KIAA1217: variants seen among roughly 807,000 people sequenced by gnomAD.
KIAA1217 encodes KIAA1217.
KIAA1217 carries 88 observed loss-of-function variants against 163.9 expected under a neutral mutation model. That is an observed-to-expected ratio of 0.54 (90% CI 0.45 to 0.64). The LOEUF (loss-of-function observed/expected upper bound fraction) is 0.64. Ranked by LOEUF, KIAA1217 falls within the 30% of genes least tolerant of loss-of-function variation. The probability of loss-of-function intolerance (pLI) is 0.00; values close to 1 mark genes in which losing one functional copy is unlikely to be tolerated. For missense variants in KIAA1217, 2,372 were observed against 2,475.0 expected, an observed-to-expected ratio of 0.96 and a Z score of 0.88; for synonymous variants, 903 against 923.1, an observed-to-expected ratio of 0.98 and a Z score of 0.39.
chr10:24,117,348 T>C (rs2063100776), intron 2 of KIAA1217, among the ~76,000 whole-genome samples: 2 of 151,930 alleles, frequency 1.3e-5, no homozygotes, highest in Non-Finnish European at 2.9e-5. Context: ...CTTTTAAAGG[T>C]GAGTTTTGGG....
chr10:23,754,465 A>G (rs1395292422), intron 1 of KIAA1217, among the ~76,000 whole-genome samples: 1 of 152,094 alleles, frequency 6.6e-6, no homozygotes, highest in African/African-American at 2.4e-5. Context: ...CCTCTCTGGC[A>G]TTTTCTCACA....
At chr10:23,891,333 G>C (rs1411861176) in intron 1 of KIAA1217, among the ~76,000 whole-genome samples, 2 of 151,776 alleles carry the variant, frequency 1.3e-5, no homozygotes, top group African/African-American at 4.8e-5. Flanking sequence ...TTTGTTGAGA[G>C]ACAGGATCTC....
chr10:24,358,940 C>T (rs1399329483), intron 2 of KIAA1217, among the ~76,000 whole-genome samples: 1 of 152,068 alleles, frequency 6.6e-6, no homozygotes, highest in Admixed American at 6.5e-5. Context: ...AACAGGAGCA[C>T]ACAGGAGTTC....
intron 1 of KIAA1217, among the ~76,000 whole-genome samples, chr10:23,702,693 AC>A (rs1836541845): frequency 6.6e-6 from 1 of 151,900 alleles, no homozygotes; most frequent in African/African-American, 2.4e-5. Context: ...ACACACACAC[AC>A]ACACACACAC....
At chr10:24,232,203 G>C (rs527835814) in intron 2 of KIAA1217, among the ~76,000 whole-genome samples, 81 of 152,162 alleles carry the variant, frequency 5.3e-4, no homozygotes, top group Non-Finnish European at 9.4e-4. Context: ...CAATTGAAAA[G>C]ACTAAATTCA....
intron 2 of KIAA1217, among the ~76,000 whole-genome samples, chr10:24,171,943 T>C (rs1471407868): frequency 6.6e-6 from 1 of 152,184 alleles, no homozygotes; most frequent in Non-Finnish European, 1.5e-5. Context: ...ACACACATTG[T>C]CTTAATTTCA....
At chr10:24,340,839 G>A (rs1212717651) in intron 2 of KIAA1217, among the ~76,000 whole-genome samples, 1 of 152,178 alleles carries the variant, frequency 6.6e-6, no homozygotes, top group Non-Finnish European at 1.5e-5. Context: ...GAATCATAAA[G>A]TTCACTTGGA....
At chr10:24,153,583 A>T (rs913209036) in intron 2 of KIAA1217, among the ~76,000 whole-genome samples, 1 of 152,226 alleles carries the variant, frequency 6.6e-6, no homozygotes, top group Admixed American at 6.5e-5. Context: ...AGCCTATTAT[A>T]ATCCAGTCAA....
At chr10:24,303,057 A>G (rs1415883145) in intron 2 of KIAA1217, among the ~76,000 whole-genome samples, 1 of 152,194 alleles carries the variant, frequency 6.6e-6, no homozygotes, top group African/African-American at 2.4e-5. Flanking sequence ...TCTGTCACCC[A>G]GGCTGGAGTG....
chr10:24,468,280 C>T (rs778163820), intron 5 of KIAA1217, among the ~76,000 whole-genome samples: 1 of 152,120 alleles, frequency 6.6e-6, no homozygotes, highest in African/African-American at 2.4e-5. Flanking sequence ...GTTGTCTGAT[C>T]GTAAGGGTTC....
chr10:24,141,234 C>CA (rs918246580), intron 2 of KIAA1217, among the ~76,000 whole-genome samples: 1 of 132,790 alleles, frequency 7.5e-6, no homozygotes, highest in African/African-American at 2.7e-5. Context: ...AACCCCCCCC[C>CA]CCCATTTCTC....
At chr10:24,358,218 C>G (rs2049380386) in intron 2 of KIAA1217, among the ~76,000 whole-genome samples, 1 of 152,050 alleles carries the variant, frequency 6.6e-6, no homozygotes, top group African/African-American at 2.4e-5. Flanking sequence ...AGTAAAGTAT[C>G]TAGTGTGTCT....
chr10:23,861,955 G>A (rs1192000159), intron 1 of KIAA1217, among the ~76,000 whole-genome samples: 1 of 152,180 alleles, frequency 6.6e-6, no homozygotes, highest in Non-Finnish European at 1.5e-5. Flanking sequence ...TAAATTTGTG[G>A]CAATTTGTTA....
At chr10:23,880,557 T>C (rs1372531426) in intron 1 of KIAA1217, among the ~76,000 whole-genome samples, 1 of 151,864 alleles carries the variant, frequency 6.6e-6, no homozygotes, top group East Asian at 1.9e-4. Flanking sequence ...AGGGTGACTA[T>C]AGTAAAAAAA....
At chr10:23,760,768 C>A (rs1054499012) in intron 1 of KIAA1217, among the ~76,000 whole-genome samples, 1 of 152,020 alleles carries the variant, frequency 6.6e-6, no homozygotes, top group African/African-American at 2.4e-5. Flanking sequence ...TAGCAAGACC[C>A]TGTCTCTGCA....
At chr10:24,439,083 A>G (rs1404769142) in intron 5 of KIAA1217, among the ~76,000 whole-genome samples, 1 of 152,190 alleles carries the variant, frequency 6.6e-6, no homozygotes, top group Admixed American at 6.5e-5. Context: ...GTCTCAGGAG[A>G]TTATCCAAAC....
chr10:23,963,577 G>A (rs563453035), intron 1 of KIAA1217, among the ~76,000 whole-genome samples: 3 of 152,256 alleles, frequency 2.0e-5, no homozygotes, highest in Non-Finnish European at 4.4e-5. Flanking sequence ...AATAAACATA[G>A]AGGTGCATGC....
At chr10:23,810,650 G>GTA (rs1333686599) in intron 1 of KIAA1217, among the ~76,000 whole-genome samples, 41 of 126,212 alleles carry the variant, frequency 3.2e-4, no homozygotes, top group East Asian at 2.5e-3. Context: ...TATATAGTGT[G>GTA]TATATATATA....
intron 1 of KIAA1217, among the ~76,000 whole-genome samples, chr10:23,696,089 C>T (rs1836018706): frequency 6.6e-6 from 1 of 152,228 alleles, no homozygotes; most frequent in African/African-American, 2.4e-5. Flanking sequence ...AGACCCTCGA[C>T]ATTCTGCTCA....
Sources: gnomAD v4.1 joint callset for allele counts (sites outside exome capture counted in the v4.1 genomes callset) on GRCh38, gnomAD v4.1.1 for gene constraint, MANE v1.5 for transcripts, NCBI Gene and HGNC (gene_info 2026-07-23, HGNC 2026-07-21) for gene names.